The following RBFOX3 variants were observed in gnomAD, a reference collection of about 807,000 sequenced individuals.
RBFOX3 encodes RNA binding protein fox-1 homolog 3.
In RBFOX3, 17 loss-of-function variants were observed where a neutral mutation model predicts 48.7. That is an observed-to-expected ratio of 0.35 (90% CI 0.24 to 0.52). The LOEUF is 0.52. Ranked by LOEUF, RBFOX3 falls within the 20% of genes least tolerant of loss-of-function variation. The pLI, the probability that RBFOX3 is intolerant of heterozygous loss-of-function variation, is 0.94. For synonymous variants in RBFOX3, 212 were observed against 209.5 expected, an observed-to-expected ratio of 1.01 and a Z score of -0.10; for missense variants, 382 against 497.5, an observed-to-expected ratio of 0.77 and a Z score of 2.21.
Position 79,420,402 on chromosome 17 carries a change from C to A in RBFOX3, c.-175+62052G>T, listed in dbSNP as rs538448509. Among the ~76,000 whole-genome samples the A allele has an allele frequency of 7.9e-5, 12 of 152,310 alleles. No homozygotes were observed. In the East Asian group the frequency reaches 1.3e-3, roughly 17 times the overall value. ...CTCCCAATTAGAACGCCCCCACCCA[C>A]GAAGGGAGCATGGGAGGAAAGTGTG... On this transcript the variant is annotated intron_variant, in intron 2 of 14. Coordinates refer to ENST00000693108, the MANE Select transcript of RBFOX3 (RefSeq NM_001350451.2).
chr17:79,643,648 TC>T, the RBFOX3 span, among the ~76,000 whole-genome samples: 1 of 152,024 alleles, frequency 6.6e-6, no homozygotes, highest in African/African-American at 2.4e-5. Context: ...TATGGGAAAA[TC>T]CCCCAAATAT....
chr17:79,553,282 C>T (rs1169644204), intron 1 of RBFOX3, among the ~76,000 whole-genome samples: 1 of 152,148 alleles, frequency 6.6e-6, no homozygotes, highest in Non-Finnish European at 1.5e-5. Flanking sequence ...AAACAGATTT[C>T]TTCCTATTAA....
intron 1 of RBFOX3, among the ~76,000 whole-genome samples, chr17:79,506,179 T>C (rs1375015242): frequency 6.6e-6 from 1 of 152,206 alleles, no homozygotes; most frequent in Non-Finnish European, 1.5e-5. Context: ...GCAAAGGGAA[T>C]GCCCCCGGAC....
chr17:79,465,253 C>T (rs1209638874), intron 2 of RBFOX3, among the ~76,000 whole-genome samples: 1 of 152,212 alleles, frequency 6.6e-6, no homozygotes, highest in African/African-American at 2.4e-5. Context: ...TTTGTTCAGG[C>T]CACATAGAAA....
intron 2 of RBFOX3, among the ~76,000 whole-genome samples, chr17:79,402,925 G>A (rs1310932089): frequency 1.3e-5 from 2 of 152,162 alleles, no homozygotes; most frequent in East Asian, 3.9e-4. Context: ...CTCAGCAGGA[G>A]CCTGACCCAC....
intron 2 of RBFOX3, among the ~76,000 whole-genome samples, chr17:79,452,313 C>A (rs138852311): frequency 3.2e-4 from 49 of 152,266 alleles, no homozygotes; most frequent in African/African-American, 1.1e-3. Context: ...CCTGTCACCA[C>A]CTCCGCTGCG....
chr17:79,653,666 T>C, the RBFOX3 span, among the ~76,000 whole-genome samples: 4 of 152,088 alleles, frequency 2.6e-5, no homozygotes, highest in African/African-American at 9.7e-5. Context: ...CAGCTAGCAG[T>C]AGAAGAATAG....
intron 2 of RBFOX3, among the ~76,000 whole-genome samples, chr17:79,324,922 T>A (rs2146143764): frequency 6.6e-6 from 1 of 152,364 alleles, no homozygotes; most frequent in Non-Finnish European, 1.5e-5. Flanking sequence ...CCAAGGACTA[T>A]CCTCTGCCTG....
At chr17:79,164,413 C>T (rs576120827) in intron 4 of RBFOX3, among the ~76,000 whole-genome samples, 1 of 152,340 alleles carries the variant, frequency 6.6e-6, no homozygotes, top group Admixed American at 6.5e-5. Flanking sequence ...CTTGGCTGTG[C>T]AGTCCGCAGC....
At chr17:79,229,063 CT>C (rs1489365821) in intron 4 of RBFOX3, among the ~76,000 whole-genome samples, 2 of 148,858 alleles carry the variant, frequency 1.3e-5, no homozygotes, top group Non-Finnish European at 3.0e-5. Context: ...CCCATCTCTA[CT>C]AAAAATACAA....
At chr17:79,567,164 TTTTCTTTC>T (rs1368612868) in intron 1 of RBFOX3, among the ~76,000 whole-genome samples, 16 of 135,656 alleles carry the variant, frequency 1.2e-4, no homozygotes, top group East Asian at 2.2e-4. Context: ...GTGCTATTTT[TTTTCTTTC>T]TTTCTTTCTT....
chr17:79,420,465 C>T (rs1555721713), intron 2 of RBFOX3, among the ~76,000 whole-genome samples: 2 of 152,206 alleles, frequency 1.3e-5, no homozygotes, highest in African/African-American at 4.8e-5. Context: ...GAGTCCTCTG[C>T]CAGCCAGCCT....
chr17:79,528,813 G>C (rs2087220865), intron 1 of RBFOX3, among the ~76,000 whole-genome samples: 1 of 152,074 alleles, frequency 6.6e-6, no homozygotes, highest in African/African-American at 2.4e-5. Flanking sequence ...TTCAGAGGGA[G>C]CACGGCCCTG....
At chr17:79,432,177 A>C (rs2068581651) in intron 2 of RBFOX3, among the ~76,000 whole-genome samples, 1 of 152,156 alleles carries the variant, frequency 6.6e-6, no homozygotes, top group African/African-American at 2.4e-5. Flanking sequence ...GACAGACCAC[A>C]TTTTGTTTCT....
At position 79,431,187 on chromosome 17, in the gene RBFOX3, C is replaced by A. The variant is rs4790038; in HGVS notation, c.-175+51267G>T. Among the ~76,000 whole-genome samples, 16 of 152,320 alleles carry A rather than the reference C, an allele frequency of 1.1e-4. No individual in the cohort carries two copies. In the East Asian group the frequency reaches 1.2e-3, roughly 11 times the overall value. On this transcript the variant is annotated intron_variant, in intron 2 of 14. Coordinates refer to ENST00000693108, the MANE Select transcript of RBFOX3 (RefSeq NM_001350451.2). ...GAACACGAAGGTGTGAAATGGAAACCTTAAACACGCGGTCTGTTCTCACTG... is the reference window on the plus strand; with the variant it reads ...GAACACGAAGGTGTGAAATGGAAACATTAAACACGCGGTCTGTTCTCACTG...
chr17:79,145,324 T>C (rs1430609464), intron 4 of RBFOX3, among the ~76,000 whole-genome samples: 2 of 152,224 alleles, frequency 1.3e-5, no homozygotes, highest in African/African-American at 4.8e-5. Flanking sequence ...AAGTTCCCGA[T>C]GTGCGTGGCG....
At chr17:79,321,562 G>A (rs1034761596) in intron 2 of RBFOX3, among the ~76,000 whole-genome samples, 3 of 152,126 alleles carry the variant, frequency 2.0e-5, no homozygotes, top group Admixed American at 2.0e-4. Context: ...CTCTACCATC[G>A]CCAGTGTCCT....
Position 79,325,510 on chromosome 17 carries a change from A to T in RBFOX3, c.-174-17686T>A, listed in dbSNP as rs112367576. Reference sequence around the variant, plus strand: ...ACGGCCCCATTGACCTCAATCCTCCATGTGGGAGACCCGATAGAGACTTGT... The same window carrying T: ...ACGGCCCCATTGACCTCAATCCTCCTTGTGGGAGACCCGATAGAGACTTGT... On this transcript the variant is annotated intron_variant, in intron 2 of 14. Coordinates refer to ENST00000693108, the MANE Select transcript of RBFOX3 (RefSeq NM_001350451.2). Among the ~76,000 whole-genome samples, 577 of 152,306 alleles carry T rather than the reference A, an allele frequency of 3.8e-3. 2 individuals are homozygous for T. The highest frequency in any genetic ancestry group is 0.013 in the African/African-American group (552 of 41,558).
At chr17:79,620,451 ATG>A in the RBFOX3 span, among the ~76,000 whole-genome samples, 1 of 143,842 alleles carries the variant, frequency 7.0e-6, no homozygotes, top group African/African-American at 2.6e-5. Flanking sequence ...ACATGCACAC[ATG>A]CGCACACACA....
Sources: allele counts gnomAD v4.1 joint callset (sites outside exome capture counted in the v4.1 genomes callset), GRCh38; gene constraint gnomAD v4.1.1; transcripts MANE v1.5; gene names NCBI Gene and HGNC (gene_info 2026-07-23, HGNC 2026-07-21).